The following WDR75 variants were observed in gnomAD, a reference collection of about 807,000 sequenced individuals.
WDR75 encodes the protein WD repeat-containing protein 75.
A neutral mutation model predicts 106.1 loss-of-function variants in WDR75; 52 were observed. The observed-to-expected ratio is 0.49, with a 90% CI of 0.39 to 0.62. The LOEUF (loss-of-function observed/expected upper bound fraction) is 0.62, where lower values mean the gene tolerates loss of function less well. WDR75 is among the 20% of genes least tolerant of loss of function. The pLI is 0.00. For missense variants in WDR75, 905 were observed against 970.3 expected (o/e 0.93, Z 0.89); for synonymous variants, 333 against 335.5 (o/e 0.99, Z 0.08).
chr2:189,464,829 T>A (rs1686968031), intron 11 of WDR75, among the ~76,000 whole-genome samples: 1 of 152,114 alleles, frequency 6.6e-6, no homozygotes, highest in Non-Finnish European at 1.5e-5. Context: ...GTGTTAGTAA[T>A]CGCTAATATT....
At position 189,463,751 on chromosome 2, in the gene WDR75, A is replaced by C. The variant is rs1312596151; in HGVS notation, c.995A>C (p.Lys332Thr). 6.2e-7 allele frequency: 1 copy of C among 1,613,696 alleles called. No homozygotes were observed. The highest frequency in any genetic ancestry group is 1.3e-5 in the African/African-American group (1 of 74,894). Residue 332 changes from lysine to threonine, a missense_variant and splice_region_variant, in exon 10 of 21, where the codon AAA becomes ACA. By Grantham distance (78) the Lys-to-Thr change is moderately conservative. Transcript: ENST00000314761. The stretch of plus-strand genomic sequence containing the variant: ...TCCGCAGTAATTCAAGGCCTAGTGA[A>C]AGGTATTGCAGAACTCAGTGGATTT... ...EASAVIQGLV[K>T]DRSIFTGLMI...
At chr2:189,471,671 C>T (rs906857500) in intron 18 of WDR75, among the ~76,000 whole-genome samples, 2 of 152,172 alleles carry the variant, frequency 1.3e-5, no homozygotes, top group African/African-American at 2.4e-5. Flanking sequence ...TGACTGTCTT[C>T]AGTCTGGACT....
intron 18 of WDR75, among the ~76,000 whole-genome samples, chr2:189,472,370 T>C (rs1687134935): frequency 6.6e-6 from 1 of 152,046 alleles, no homozygotes; most frequent in Non-Finnish European, 1.5e-5. Context: ...CCTTGGAGAG[T>C]TTTGAGTAGA....
At chr2:189,441,817 C>T (rs1686373017) in intron 1 of WDR75, among the ~76,000 whole-genome samples, 1 of 152,122 alleles carries the variant, frequency 6.6e-6, no homozygotes, top group African/African-American at 2.4e-5. Context: ...GCCCTGGAGC[C>T]GGTCTCCGTG....
chr2:189,458,038 C>T (rs189535122), intron 6 of WDR75, among the ~76,000 whole-genome samples: 401 of 149,634 alleles, frequency 2.7e-3, no homozygotes, highest in African/African-American at 9.3e-3. Flanking sequence ...ATTGTCCCGT[C>T]TCAGCCTCCT....
At chr2:189,444,690 G>C (rs535051827) in intron 1 of WDR75, among the ~76,000 whole-genome samples, 6 of 152,038 alleles carry the variant, frequency 3.9e-5, no homozygotes, top group Admixed American at 2.6e-4. Context: ...TTCTAGTCTT[G>C]CTCTGAACTT....
chr2:189,451,639 AAG>A (rs1686624005), intron 3 of WDR75, among the ~76,000 whole-genome samples, 164 bp from the exon 4 acceptor site: 2 of 152,222 alleles, frequency 1.3e-5, no homozygotes, highest in Admixed American at 1.3e-4. Flanking sequence ...GGAAACTCGA[AAG>A]AGTATTTAAC....
At chr2:189,459,263 T>C (rs1396500693) in intron 7 of WDR75, 73 bp from the exon 8 acceptor site, 13 of 1,080,612 alleles carry the variant, frequency 1.2e-5, no homozygotes, top group Non-Finnish European at 1.7e-5. Context: ...ATTATGTTTA[T>C]TGTATTTGGC....
chr2:189,449,146 A>T, intron 2 of WDR75: 2 of 791,846 alleles, frequency 2.5e-6, no homozygotes, highest in Non-Finnish European at 3.7e-6. Flanking sequence ...TGGTCATGTT[A>T]ATTCTGTTCT....
chr2:189,453,695 A>G (rs1469302634), intron 4 of WDR75, among the ~76,000 whole-genome samples: 1 of 152,226 alleles, frequency 6.6e-6, no homozygotes, highest in African/African-American at 2.4e-5. Flanking sequence ...TAGCTGCTAC[A>G]TAAAAATGTC....
chr2:189,463,034 A>G (rs1437560934), intron 9 of WDR75, among the ~76,000 whole-genome samples: 3 of 152,298 alleles, frequency 2.0e-5, no homozygotes, highest in South Asian at 4.1e-4. Flanking sequence ...CCTGGGGGCA[A>G]GAGTCCTGTA....
At position 189,475,533 on chromosome 2, in the gene WDR75, A is replaced by G. The variant is rs1687196649; in HGVS notation, c.*116A>G. On this transcript the variant is annotated 3_prime_UTR_variant, in exon 21 of 21. Transcript: ENST00000314761. ...AAAAATAAGATAATAAATATTAACA[A>G]ACTTTGCTTTTTTAAAAAACTGATA... The G allele has an allele frequency of 2.8e-6, 2 of 714,254 alleles. No homozygotes were observed. The highest frequency in any genetic ancestry group is 5.6e-5 in the South Asian group (2 of 35,656). The allele number at this position is 714,254 out of a possible 1,614,324, so 44.2% of individuals were successfully genotyped here. A position where few individuals can be genotyped will look rare whatever the true frequency, so the allele number is the denominator to read the frequency against.
rs923765721 is a variant in WDR75 at position 189,474,721 on chromosome 2, T to A, written c.2201T>A (p.Leu734His). The change falls in exon 20 of 21, where the codon CTT becomes CAT. Residue 734 changes from leucine to histidine, a missense_variant. Leu to His is a moderately conservative substitution (Grantham distance 99). Coordinates refer to ENST00000314761, the MANE Select transcript of WDR75 (RefSeq NM_032168.3). ...GTGTTTTCTGTTTGACTCCAGCTTC[T>A]TCACACTCCAGCCCATGTCCTGCCA... is the stretch of plus-strand genomic sequence containing the variant. ...TENIPAISEL[L>H]HTPAHVLPSA... 6.2e-7 allele frequency: 1 copy of A among 1,613,892 alleles called. No individual in the cohort carries two copies. The highest frequency in any genetic ancestry group is 8.5e-7 in the Non-Finnish European group (1 of 1,179,862).
Position 189,458,807 on chromosome 2 carries a change from T to C in WDR75, c.624T>C (p.Cys208=). The stretch of plus-strand genomic sequence containing the variant: ...AGCATGCTAAAAACAATTTTACATG[T>C]GTAGCATGTCACCCAACGGAAGACT... ...NKKHAKNNFT[C]VACHPTEDCI... The change falls in exon 7 of 21, where the codon TGT becomes TGC. Residue 208 remains cysteine, a synonymous_variant. Coordinates refer to ENST00000314761, the MANE Select transcript of WDR75 (RefSeq NM_032168.3). 6.2e-7 allele frequency: 1 copy of C among 1,609,510 alleles called. No homozygotes were observed. The highest frequency in any genetic ancestry group is 8.5e-7 in the Non-Finnish European group (1 of 1,177,960).
intron 19 of WDR75, 122 bp downstream of exon 19, chr2:189,474,454 A>G (rs1687173126): frequency 4.2e-6 from 5 of 1,187,494 alleles, no homozygotes; most frequent in Non-Finnish European, 5.9e-6. Flanking sequence ...AAACTAAATA[A>G]CTAACAACAA....
At chr2:189,458,392 A>C (rs563181706) in intron 6 of WDR75, among the ~76,000 whole-genome samples, 1 of 152,304 alleles carries the variant, frequency 6.6e-6, no homozygotes, top group African/African-American at 2.4e-5. Context: ...CTAATGTCTC[A>C]GGTTTGATTA....
chr2:189,449,931 G>A, intron 2 of WDR75: 3 of 984,020 alleles, frequency 3.0e-6, no homozygotes, highest in Non-Finnish European at 2.4e-6. Context: ...TATAAGCAAA[G>A]TATTTTCCTA....
At position 189,475,254 on chromosome 2, in the gene WDR75, A is replaced by G; in HGVS notation, c.2330A>G (p.Lys777Arg). ...IPEDVDMEEE[K>R]ESEDSDEEND... ...GAAGATGTAGATATGGAAGAAGAAA[A>G]AGAAAGTGAAGATTCAGATGAAGAA... Residue 777 changes from lysine to arginine, a missense_variant, in exon 21 of 21, where the codon AAA (lysine) becomes AGA (arginine). Coordinates refer to ENST00000314761, the MANE Select transcript of WDR75 (RefSeq NM_032168.3). The G allele has an allele frequency of 1.9e-6, 3 of 1,613,088 alleles. No homozygotes were observed. Among genetic ancestry groups the G allele is most frequent in the Non-Finnish European group, 1.7e-6 (2 of 1,179,486 alleles).
At chr2:189,452,152 G>T in intron 4 of WDR75, 1 of 340,476 alleles carries the variant, frequency 2.9e-6, no homozygotes, top group African/African-American at 2.1e-5. Context: ...TTACAAAGGT[G>T]GATAGAATTT....
Sources: gnomAD v4.1 joint callset for allele counts (sites outside exome capture counted in the v4.1 genomes callset) on GRCh38, gnomAD v4.1.1 for gene constraint, MANE v1.5 for transcripts, NCBI Gene and HGNC (gene_info 2026-07-23, HGNC 2026-07-21) for gene names.